The following NKAIN2 variants were observed in gnomAD, a reference collection of about 807,000 sequenced individuals.
NKAIN2 encodes sodium/potassium transporting ATPase interacting 2.
NKAIN2 carries 14 observed loss-of-function variants against 32.6 expected under a neutral mutation model. That is an observed-to-expected ratio of 0.43 (90% CI 0.28 to 0.67). The LOEUF is 0.67. Among genes scored for constraint, NKAIN2 ranks in the 30% least tolerant of loss-of-function variants. The probability of loss-of-function intolerance (pLI) is 0.17; values close to 1 mark genes in which losing one functional copy is unlikely to be tolerated. For synonymous variants in NKAIN2, 80 were observed against 87.2 expected (o/e 0.92, Z 0.46); for missense variants, 198 against 258.3 (o/e 0.77, Z 1.60).
At chr6:124,300,451 C>G (rs993073364) in intron 2 of NKAIN2, among the ~76,000 whole-genome samples, 1 of 152,050 alleles carries the variant, frequency 6.6e-6, no homozygotes, top group Non-Finnish European at 1.5e-5. Flanking sequence ...TTACTAGCAG[C>G]CTGACAATAG....
intron 2 of NKAIN2, among the ~76,000 whole-genome samples, chr6:124,284,248 T>C (rs1187942988): frequency 6.6e-6 from 1 of 152,150 alleles, no homozygotes; most frequent in Non-Finnish European, 1.5e-5. Context: ...GATATGATAG[T>C]ATTGTCCATT....
chr6:124,156,158 G>A (rs1339545094), intron 1 of NKAIN2, among the ~76,000 whole-genome samples: 2 of 152,080 alleles, frequency 1.3e-5, no homozygotes, highest in African/African-American at 2.4e-5. Context: ...AAGGGGGCCA[G>A]GATGGAGATG....
chr6:124,141,275 T>C (rs569615998), intron 1 of NKAIN2, among the ~76,000 whole-genome samples: 50 of 152,162 alleles, frequency 3.3e-4, no homozygotes, highest in African/African-American at 1.2e-3. Context: ...AGAAAAAAAA[T>C]ACTTTTTACT....
chr6:124,611,339 A>T (rs989553266), intron 3 of NKAIN2, among the ~76,000 whole-genome samples: 2 of 151,222 alleles, frequency 1.3e-5, no homozygotes, highest in Non-Finnish European at 2.9e-5. Flanking sequence ...TAAAAGGTAA[A>T]CGCCATTTTA....
intron 1 of NKAIN2, among the ~76,000 whole-genome samples, chr6:123,818,884 C>T (rs1773808274): frequency 6.6e-6 from 1 of 152,094 alleles, no homozygotes; most frequent in African/African-American, 2.4e-5. Context: ...ACGTTATAAA[C>T]TTAGAACTAG....
At chr6:124,248,209 C>T (rs1001488814) in intron 1 of NKAIN2, among the ~76,000 whole-genome samples, 7 of 151,910 alleles carry the variant, frequency 4.6e-5, no homozygotes, top group African/African-American at 1.7e-4. Context: ...GTTCTGAGAC[C>T]ATTTTTCTAG....
intron 3 of NKAIN2, among the ~76,000 whole-genome samples, chr6:124,406,201 C>A (rs556359813): frequency 3.3e-5 from 5 of 152,242 alleles, no homozygotes; most frequent in African/African-American, 1.2e-4. Flanking sequence ...AAAATTTCTA[C>A]ATATGCCTTT....
intron 3 of NKAIN2, among the ~76,000 whole-genome samples, chr6:124,418,392 T>C (rs1774592110): frequency 6.6e-6 from 1 of 151,614 alleles, no homozygotes; most frequent in Admixed American, 6.6e-5. Flanking sequence ...CCTGCAGCAT[T>C]GGACTCTGAA....
At chr6:123,910,538 T>A (rs1436102563) in intron 1 of NKAIN2, among the ~76,000 whole-genome samples, 1 of 129,944 alleles carries the variant, frequency 7.7e-6, no homozygotes, top group Non-Finnish European at 1.6e-5. Context: ...GGGGTCTCGC[T>A]CTTTCACCAG....
chr6:124,413,713 T>A (rs761036234), intron 3 of NKAIN2, among the ~76,000 whole-genome samples: 19 of 152,180 alleles, frequency 1.2e-4, no homozygotes, highest in Non-Finnish European at 2.6e-4. Context: ...TTTGTCATCT[T>A]CAATTTTTCT....
At chr6:124,525,277 T>C (rs1779268879) in intron 3 of NKAIN2, among the ~76,000 whole-genome samples, 1 of 152,182 alleles carries the variant, frequency 6.6e-6, no homozygotes, top group African/African-American at 2.4e-5. Flanking sequence ...CTATCTTATA[T>C]AGGCAGCGGG....
intron 3 of NKAIN2, among the ~76,000 whole-genome samples, chr6:124,441,863 C>T (rs1775703184): frequency 6.6e-6 from 1 of 151,942 alleles, no homozygotes; most frequent in African/African-American, 2.4e-5. Flanking sequence ...TGGCATGTTC[C>T]TTCAAGGGAT....
chr6:123,957,569 A>G (rs1777653102), intron 1 of NKAIN2, among the ~76,000 whole-genome samples: 1 of 152,174 alleles, frequency 6.6e-6, no homozygotes. Context: ...AAATGATTAT[A>G]TATCTAATTA....
intron 1 of NKAIN2, among the ~76,000 whole-genome samples, chr6:124,050,663 A>G (rs1782361475): frequency 6.6e-6 from 1 of 152,098 alleles, no homozygotes; most frequent in Non-Finnish European, 1.5e-5. Context: ...ACTTGCCCGC[A>G]GCACAAAAAA....
chr6:124,359,152 A>G (rs188257164), intron 3 of NKAIN2, among the ~76,000 whole-genome samples: 204 of 152,268 alleles, frequency 1.3e-3, no homozygotes, highest in Non-Finnish European at 2.3e-3. Context: ...TGGTACCAGT[A>G]TCATGCTGTT....
chr6:124,113,930 C>T (rs924819575), intron 1 of NKAIN2, among the ~76,000 whole-genome samples: 1 of 152,160 alleles, frequency 6.6e-6, no homozygotes, highest in Non-Finnish European at 1.5e-5. Flanking sequence ...ATTTCCTGTT[C>T]TGCCATCTTG....
chr6:124,646,312 G>T (rs547753912), intron 3 of NKAIN2, among the ~76,000 whole-genome samples: 6 of 152,110 alleles, frequency 3.9e-5, no homozygotes, highest in Admixed American at 2.6e-4. Flanking sequence ...TTTTAAAATA[G>T]TTCACTATTA....
chr6:124,633,437 C>A (rs538913584), intron 3 of NKAIN2, among the ~76,000 whole-genome samples: 4 of 152,230 alleles, frequency 2.6e-5, no homozygotes, highest in African/African-American at 7.2e-5. Flanking sequence ...AGAGATTTTA[C>A]AAATTTATTG....
chr6:123,957,647 A>T (rs1777656416), intron 1 of NKAIN2, among the ~76,000 whole-genome samples: 1 of 152,172 alleles, frequency 6.6e-6, no homozygotes, highest in African/African-American at 2.4e-5. Flanking sequence ...TTCAATTTAG[A>T]TGTTTACAAA....
Sources: gnomAD v4.1 joint callset for allele counts (sites outside exome capture counted in the v4.1 genomes callset) on GRCh38, gnomAD v4.1.1 for gene constraint, MANE v1.5 for transcripts, NCBI Gene and HGNC (gene_info 2026-07-23, HGNC 2026-07-21) for gene names.